The following SLC30A8 variants were observed in gnomAD, a reference collection of about 807,000 sequenced individuals.
SLC30A8 encodes proton-coupled zinc antiporter SLC30A8.
Under a neutral mutation model 36.9 loss-of-function variants are expected in SLC30A8, and 27 were observed. The ratio of observed to expected loss-of-function variants is 0.73; its 90% confidence interval spans 0.54 to 1.01. The LOEUF is 1.01. SLC30A8 is among the 50% of genes least tolerant of loss of function. The pLI is 0.00. For missense variants in SLC30A8, 439 were observed against 452.0 expected, an observed-to-expected ratio of 0.97 and a Z score of 0.26; for synonymous variants, 164 against 172.4, an observed-to-expected ratio of 0.95 and a Z score of 0.38.
chr8:117,017,611 C>G (rs1816560612), intron 1 of SLC30A8, among the ~76,000 whole-genome samples: 1 of 152,132 alleles, frequency 6.6e-6, no homozygotes, highest in Non-Finnish European at 1.5e-5. Flanking sequence ...GACACTAGTT[C>G]AGGCAGGTGG....
At chr8:116,954,902 A>G (rs892106141) in intron 1 of SLC30A8, among the ~76,000 whole-genome samples, 4 of 152,200 alleles carry the variant, frequency 2.6e-5, no homozygotes, top group Admixed American at 6.5e-5. Flanking sequence ...GTGAGAGGGA[A>G]GGGTCTACAA....
At chr8:117,165,086 T>A (rs1420666051) in intron 6 of SLC30A8, among the ~76,000 whole-genome samples, 2 of 152,180 alleles carry the variant, frequency 1.3e-5, no homozygotes, top group Non-Finnish European at 2.9e-5. Flanking sequence ...AAGAGACACA[T>A]CATATAGTTG....
chr8:117,011,759 A>G lies in SLC30A8; in HGVS notation c.-265-27460A>G, dbSNP rs112088645. ...TCTTAAAGTTTAATGGCATTTTGTT[A>G]CATATTAATAATCATCTAATGGCAA... On this transcript the variant is annotated intron_variant, in intron 1 of 10. Transcript: ENST00000427715. Among the ~76,000 whole-genome samples the G allele has an allele frequency of 6.6e-3, 1,001 of 152,356 alleles. 11 individuals are homozygous for G. Among genetic ancestry groups the G allele is most frequent in the African/African-American group, 0.023 (940 of 41,582 alleles).
chr8:116,955,743 A>T (rs1814174090), intron 1 of SLC30A8, among the ~76,000 whole-genome samples: 5 of 152,026 alleles, frequency 3.3e-5, no homozygotes. Context: ...AAATAAAAAA[A>T]AAGAAAACAA....
chr8:117,100,183 A>T (rs1819645225), intron 2 of SLC30A8, among the ~76,000 whole-genome samples: 1 of 152,200 alleles, frequency 6.6e-6, no homozygotes, highest in African/African-American at 2.4e-5. Flanking sequence ...ATTTCATTAA[A>T]TTCTTTACAT....
At chr8:117,078,814 A>C (rs1818571420) in intron 2 of SLC30A8, among the ~76,000 whole-genome samples, 1 of 151,862 alleles carries the variant, frequency 6.6e-6, no homozygotes, top group Non-Finnish European at 1.5e-5. Context: ...CAATCTCCCG[A>C]GTGGCTGGGA....
intron 2 of SLC30A8, among the ~76,000 whole-genome samples, chr8:117,109,738 C>T (rs1314068296): frequency 6.6e-6 from 1 of 152,180 alleles, no homozygotes; most frequent in Admixed American, 6.6e-5. Flanking sequence ...AAATTGCTAT[C>T]TCAACAGACT....
chr8:117,056,678 T>G (rs1817881866), intron 2 of SLC30A8, among the ~76,000 whole-genome samples: 1 of 152,160 alleles, frequency 6.6e-6, no homozygotes, highest in East Asian at 1.9e-4. Flanking sequence ...AATTCACACA[T>G]ATTTTTTGCA....
intron 2 of SLC30A8, among the ~76,000 whole-genome samples, chr8:117,082,532 A>C (rs901345295): frequency 3.9e-5 from 6 of 152,190 alleles, no homozygotes; most frequent in African/African-American, 1.4e-4. Context: ...ACAGTCTAGA[A>C]GATCCAACAA....
At chr8:117,090,250 C>T (rs1423059140) in intron 2 of SLC30A8, among the ~76,000 whole-genome samples, 1 of 152,198 alleles carries the variant, frequency 6.6e-6, no homozygotes, top group Non-Finnish European at 1.5e-5. Flanking sequence ...GCATGAGCCA[C>T]TGCACCTGGC....
intron 2 of SLC30A8, among the ~76,000 whole-genome samples, chr8:117,076,044 T>C (rs564171299): frequency 1.3e-5 from 2 of 152,330 alleles, no homozygotes; most frequent in East Asian, 3.9e-4. Flanking sequence ...CTTCTTCCTC[T>C]CTCTTCTTTT....
rs114439034 is a variant in SLC30A8, at chr8:117,149,332, C to A, written c.271+2179C>A. 6.7e-3 allele frequency among the ~76,000 whole-genome samples: 1,022 copies of A among 152,202 alleles called. 18 individuals carry two copies. The highest frequency in any genetic ancestry group is 0.023 in the African/African-American group (968 of 41,544). On this transcript the variant is annotated intron_variant, in intron 2 of 7. Transcript: ENST00000456015. Reference sequence around the variant, plus strand: ...CATGATATGATCTTTGCATTTTTGGCATTATGATAGTAGCTATTATTTATT... The same window carrying A: ...CATGATATGATCTTTGCATTTTTGGAATTATGATAGTAGCTATTATTTATT...
intron 2 of SLC30A8, among the ~76,000 whole-genome samples, chr8:117,064,145 T>A (rs1308674527): frequency 6.6e-6 from 1 of 151,976 alleles, no homozygotes; most frequent in Non-Finnish European, 1.5e-5. Context: ...GTGCCTGCCA[T>A]CATGCCTGGC....
At chr8:116,984,414 C>G (rs926707618) in intron 1 of SLC30A8, among the ~76,000 whole-genome samples, 2 of 152,152 alleles carry the variant, frequency 1.3e-5, no homozygotes, top group Non-Finnish European at 2.9e-5. Context: ...AGTGTCATTT[C>G]CATTCCTACC....
chr8:117,143,567 G>A (rs527895525), intron 1 of SLC30A8, among the ~76,000 whole-genome samples: 1 of 151,998 alleles, frequency 6.6e-6, no homozygotes, highest in African/African-American at 2.4e-5. Flanking sequence ...TTAATGAGAT[G>A]ATAAGGAATA....
intron 1 of SLC30A8, among the ~76,000 whole-genome samples, chr8:116,967,556 A>G (rs187064471): frequency 9.8e-5 from 15 of 152,310 alleles, no homozygotes; most frequent in Non-Finnish European, 2.2e-4. Context: ...GTATTTTCCA[A>G]TCTGCAACAT....
intron 1 of SLC30A8, among the ~76,000 whole-genome samples, chr8:116,991,971 C>T (rs1815660864): frequency 6.6e-6 from 1 of 152,162 alleles, no homozygotes; most frequent in African/African-American, 2.4e-5. Context: ...CATCCAACAT[C>T]TTGCTCTTCA....
At chr8:117,077,866 A>G (rs961831555) in intron 2 of SLC30A8, among the ~76,000 whole-genome samples, 30 of 152,230 alleles carry the variant, frequency 2.0e-4, no homozygotes, top group African/African-American at 6.0e-4. Context: ...TATGTTAAGA[A>G]GACCTAAAGT....
At chr8:116,982,452 A>G (rs893683686) in intron 1 of SLC30A8, among the ~76,000 whole-genome samples, 1 of 152,206 alleles carries the variant, frequency 6.6e-6, no homozygotes, top group African/African-American at 2.4e-5. Context: ...ATTTGTAGTC[A>G]CAAAACATCA....
Sources: allele counts gnomAD v4.1 joint callset (sites outside exome capture counted in the v4.1 genomes callset), GRCh38; gene constraint gnomAD v4.1.1; transcripts MANE v1.5; gene names NCBI Gene and HGNC (gene_info 2026-07-23, HGNC 2026-07-21).